The following BICD1 variants were observed in gnomAD, a reference collection of about 807,000 sequenced individuals.
BICD1 encodes BICD cargo adaptor 1.
Under a neutral mutation model 92.5 loss-of-function variants are expected in BICD1, and 35 were observed. That is an observed-to-expected ratio of 0.38 (90% CI 0.29 to 0.50). The LOEUF (loss-of-function observed/expected upper bound fraction) is 0.50, where lower values mean the gene tolerates loss of function less well. BICD1 is among the 20% of genes least tolerant of loss of function. The pLI is 0.93. For missense variants in BICD1, 950 were observed against 1,189.8 expected (o/e 0.80, Z 2.97); for synonymous variants, 429 against 465.1 (o/e 0.92, Z 1.00).
At chr12:32,224,325 C>G (rs764451261) in intron 2 of BICD1, among the ~76,000 whole-genome samples, 20 of 152,368 alleles carry the variant, frequency 1.3e-4, no homozygotes, top group Non-Finnish European at 2.6e-4. Context: ...ATTTACATAA[C>G]TGATAATAAT....
At chr12:32,108,693 AGTGT>A (rs1424850352) in intron 1 of BICD1, 5 of 697,254 alleles carry the variant, frequency 7.2e-6, no homozygotes. Flanking sequence ...CTTCCAATTT[AGTGT>A]GTAATATGGT....
rs59928422 is a variant in BICD1, at chr12:32,117,681, C to CATAT, written c.213+10151_213+10154dup. Among the ~76,000 whole-genome samples the CATAT allele has an allele frequency of 9.2e-3, 1,263 of 136,976 alleles. 17 individuals are homozygous for CATAT. Among genetic ancestry groups the CATAT allele is most frequent in the South Asian group, 0.038 (161 of 4,218 alleles). 89.9% of individuals were successfully genotyped at this position (136,976 alleles called of 152,430 possible). On this transcript the variant is annotated intron_variant, in intron 1 of 9. Transcript: ENST00000652176. ...TTATATTTTGTCATTTACGCTTAGT[C>CATAT]ATATATATATATATATACACAAATA...
rs1178104658 is a variant in BICD1, at chr12:32,380,288, T to C, written c.*2661T>C. 1 of 152,052 alleles carries C rather than the reference T, an allele frequency of 6.6e-6. No individual in the cohort carries two copies. Among genetic ancestry groups the C allele is most frequent in the African/African-American group, 2.4e-5 (1 of 41,398 alleles). The allele number at this position is 152,052 out of a possible 1,614,324, so 9.4% of individuals were successfully genotyped here. A position where few individuals can be genotyped will look rare whatever the true frequency, so the allele number is the denominator to read the frequency against. On this transcript the variant is annotated 3_prime_UTR_variant, in exon 10 of 10. Coordinates refer to ENST00000652176, the MANE Select transcript of BICD1 (RefSeq NM_001714.4). ...TGTGTAGTGTTGATAAAAATCAGTA[T>C]CTGTAAAGATAACATCAGGAATTCA... is the stretch of plus-strand genomic sequence containing the variant.
At chr12:32,338,111 C>T (rs1432868879) in intron 7 of BICD1, 7 of 291,898 alleles carry the variant, frequency 2.4e-5, no homozygotes, top group South Asian at 5.7e-5. Flanking sequence ...ATATGCCTCT[C>T]CCTTACCTCC....
At chr12:32,279,148 A>G (rs1315731329) in intron 2 of BICD1, among the ~76,000 whole-genome samples, 2 of 152,210 alleles carry the variant, frequency 1.3e-5, no homozygotes, top group Non-Finnish European at 2.9e-5. Flanking sequence ...ATTTATATGA[A>G]ATGTCCAAAA....
intron 4 of BICD1, among the ~76,000 whole-genome samples, chr12:32,323,826 A>G (rs932325768): frequency 6.6e-6 from 1 of 152,214 alleles, no homozygotes; most frequent in African/African-American, 2.4e-5. Context: ...CAAACTTAAT[A>G]ATTAATGGGG....
intron 4 of BICD1, among the ~76,000 whole-genome samples, chr12:32,307,685 A>G (rs1350296258): frequency 6.6e-6 from 1 of 152,226 alleles, no homozygotes; most frequent in African/African-American, 2.4e-5. Flanking sequence ...AGAAATAAGT[A>G]AGAGAACAGA....
At chr12:32,310,259 A>C (rs1053589638) in intron 4 of BICD1, among the ~76,000 whole-genome samples, 2 of 152,238 alleles carry the variant, frequency 1.3e-5, no homozygotes, top group African/African-American at 4.8e-5. Flanking sequence ...GAACCCCTAA[A>C]TGTAGGTCCA....
chr12:32,225,621 G>GTTTTGTTTTTT (rs1555150864), intron 2 of BICD1, among the ~76,000 whole-genome samples: 3 of 92,776 alleles, frequency 3.2e-5, no homozygotes, highest in Non-Finnish European at 4.3e-5. Flanking sequence ...CTTTTTTTCT[G>GTTTTGTTTTTT]TTTTTTTTTT....
intron 2 of BICD1, among the ~76,000 whole-genome samples, chr12:32,260,216 C>T (rs1042408228): frequency 2.6e-5 from 4 of 152,214 alleles, no homozygotes; most frequent in East Asian, 1.9e-4. Flanking sequence ...TGAGCCACCA[C>T]GCCCAGCCTC....
chr12:32,323,073 G>C (rs7963887), intron 4 of BICD1, among the ~76,000 whole-genome samples: 37,673 of 152,088 alleles, frequency 0.25, 5,102 homozygotes, highest in East Asian at 0.6. Context: ...TCTCCTTTAT[G>C]AAAAATTCAA....
At chr12:32,187,352 G>C (rs988646376) in intron 1 of BICD1, among the ~76,000 whole-genome samples, 5 of 152,284 alleles carry the variant, frequency 3.3e-5, no homozygotes, top group Admixed American at 2.0e-4. Context: ...GTTTGTGAAA[G>C]AATGTCACTA....
intron 1 of BICD1, among the ~76,000 whole-genome samples, chr12:32,114,242 G>A (rs770586878): frequency 8.5e-5 from 13 of 152,082 alleles, no homozygotes; most frequent in Non-Finnish European, 1.8e-4. Context: ...TCCTGAGCTC[G>A]AGCGATCTGC....
intron 2 of BICD1, among the ~76,000 whole-genome samples, chr12:32,291,812 T>C (rs1947733556): frequency 1.3e-5 from 2 of 151,956 alleles, no homozygotes; most frequent in Non-Finnish European, 2.9e-5. Flanking sequence ...CACTGTAGCA[T>C]GGGTGACAGA....
intron 8 of BICD1, among the ~76,000 whole-genome samples, chr12:32,358,217 C>T (rs1362461176): frequency 6.6e-6 from 1 of 151,942 alleles, no homozygotes; most frequent in Non-Finnish European, 1.5e-5. Flanking sequence ...TCTCATGGCT[C>T]AGCTTCCCAA....
At chr12:32,238,746 A>T (rs1946145426) in intron 2 of BICD1, among the ~76,000 whole-genome samples, 1 of 149,434 alleles carries the variant, frequency 6.7e-6, no homozygotes, top group Admixed American at 6.7e-5. Context: ...GGAGTTTAAG[A>T]CCAGCCTGGC....
chr12:32,193,384 G>A (rs571523597), intron 1 of BICD1, among the ~76,000 whole-genome samples: 20 of 152,268 alleles, frequency 1.3e-4, no homozygotes, highest in African/African-American at 4.6e-4. Flanking sequence ...TGGTATTATT[G>A]CACATTACTA....
intron 1 of BICD1, among the ~76,000 whole-genome samples, chr12:32,159,995 A>ATAT: frequency 6.6e-6 from 1 of 152,148 alleles, no homozygotes; most frequent in Non-Finnish European, 1.5e-5. Context: ...CTCTCAGCAA[A>ATAT]TATTTAACTC....
chr12:32,339,547 T>A, intron 8 of BICD1: 2 of 985,488 alleles, frequency 2.0e-6, no homozygotes, highest in Non-Finnish European at 2.4e-6. Flanking sequence ...CTTACCAACA[T>A]GTTCACACTT....
Sources: gnomAD v4.1 joint callset for allele counts (sites outside exome capture counted in the v4.1 genomes callset) on GRCh38, gnomAD v4.1.1 for gene constraint, MANE v1.5 for transcripts, NCBI Gene and HGNC (gene_info 2026-07-23, HGNC 2026-07-21) for gene names.